NOS2: variants seen among roughly 807,000 people sequenced by gnomAD.
NOS2 encodes the protein nitric oxide synthase, inducible.
In NOS2, 96 loss-of-function variants were observed where a neutral mutation model predicts 136.0. The ratio of observed to expected loss-of-function variants is 0.71; its 90% CI spans 0.60 to 0.84. NOS2 has a LOEUF of 0.84. Among genes scored for constraint, NOS2 ranks in the 40% least tolerant of loss-of-function variants. The pLI, the probability that NOS2 is intolerant of heterozygous loss-of-function variation, is 0.00. For synonymous variants in NOS2, 539 were observed against 587.5 expected (o/e 0.92, Z 1.20); for missense variants, 1,237 against 1,496.9 (o/e 0.83, Z 2.87).
chr17:27,783,297 T>G (rs550792903), intron 5 of NOS2, among the ~76,000 whole-genome samples, 191 bp from the exon 6 acceptor site: 1 of 152,326 alleles, frequency 6.6e-6, no homozygotes, highest in South Asian at 2.1e-4. Context: ...CTCAATGCTC[T>G]GCTGTCCCCA....
At chr17:27,798,137 G>C (rs1909412044) in intron 2 of NOS2, among the ~76,000 whole-genome samples, 1 of 152,018 alleles carries the variant, frequency 6.6e-6, no homozygotes, top group Non-Finnish European at 1.5e-5. Flanking sequence ...AGCACACTAT[G>C]GTGAGGGCCC....
In NOS2 at chr17:27,774,394, T is replaced by G. The variant is rs761597619; in HGVS notation, c.1339A>C (p.Met447Leu). Residue 447 changes from methionine (M) to leucine (L), a missense_variant, in exon 12 of 27, where the codon ATG becomes CTG. By Grantham distance (15) the Met-to-Leu change is conservative. Transcript: ENST00000313735. ...HSAAESFMKY[M>L]QNEYRSRGGC... ...CCACGGGACCGGTATTCATTCTGCA[T>G]GTACTTCATGAAGGATTCTGCAGCC... The G allele has an allele frequency of 6.4e-6, 10 of 1,567,058 alleles. No individual in the cohort carries two copies. The highest frequency in any genetic ancestry group is 8.6e-6 in the Non-Finnish European group (10 of 1,156,546).
intron 2 of NOS2, among the ~76,000 whole-genome samples, chr17:27,794,985 C>CCA (rs1190516393): frequency 2.0e-5 from 3 of 152,238 alleles, no homozygotes; most frequent in Admixed American, 6.5e-5. Context: ...CCTCCTCCCC[C>CCA]CAACTCCTCC....
rs28998831 is a variant in NOS2, at chr17:27,789,455, T to TC, written c.195+148dup. The TC allele has an allele frequency of 2.1e-5, 14 of 653,238 alleles. No individual in the cohort carries two copies. In the African/African-American group the frequency reaches 2.2e-4, roughly 10 times the overall value. The allele number at this position is 653,238 out of a possible 1,614,324, so 40.5% of individuals were successfully genotyped here. The stretch of plus-strand genomic sequence containing the variant: ...AAAGCCCTTCCTCATTCCCACCTGT[T>TC]CCCCCCAACACCCCGGGTCTGGGAC... On this transcript the variant is annotated intron_variant, in intron 3 of 26. Coordinates refer to ENST00000313735, the MANE Select transcript of NOS2 (RefSeq NM_000625.4).
In NOS2 at chr17:27,769,632, A is replaced by G. The variant is rs201581896; in HGVS notation, c.1810-48T>C. ...AGTTCTCAAGCCAGGATGAATAAAA[A>G]CACTGTTTTTTCCTTTCTTCTGGAA... On this transcript the variant is annotated intron_variant, in intron 15 of 26. Transcript: ENST00000313735. The G allele has an allele frequency of 6.7e-5, 102 of 1,514,354 alleles. No individual in the cohort carries two copies. In the East Asian group the frequency reaches 2.3e-3, roughly 34 times the overall value. The allele number at this position is 1,514,354 out of a possible 1,614,324, so 93.8% of individuals were successfully genotyped here. A position where few individuals can be genotyped will look rare whatever the true frequency, so the allele number is the denominator to read the frequency against.
At chr17:27,788,716 G>T in intron 4 of NOS2, 93 bp downstream of exon 4, 1 of 1,472,372 alleles carries the variant, frequency 6.8e-7, no homozygotes, top group Non-Finnish European at 9.1e-7. Context: ...TGATTGTTTG[G>T]TTTGCCCAGG....
chr17:27,781,135 G>A lies in NOS2; in HGVS notation c.765C>T (p.His255=), dbSNP rs201952222. Residue 255 remains histidine (H), a synonymous_variant, in exon 8 of 27, where the codon CAC becomes CAT. Transcript: ENST00000313735. ...TVFPQRSDGK[H]DFRVWNAQLI... ...GCTGAGCATTCCACACCCGGAAGTC[G>A]TGCTTGCCATCACTCCGCTGGGGGA... 36 of 1,612,116 alleles carry A rather than the reference G, an allele frequency of 2.2e-5. No homozygotes were observed. The highest frequency in any genetic ancestry group is 3.3e-4 in the Middle Eastern group (2 of 6,062).
intron 11 of NOS2, among the ~76,000 whole-genome samples, chr17:27,776,131 G>A (rs1908649997): frequency 6.6e-6 from 1 of 152,304 alleles, no homozygotes; most frequent in East Asian, 1.9e-4. Context: ...CTGAGAGGAA[G>A]GGAGACTTGT....
chr17:27,798,714 G>T lies in NOS2; in HGVS notation c.96C>A (p.Pro32=). 1 of 1,611,798 alleles carries T rather than the reference G, an allele frequency of 6.2e-7. No individual in the cohort carries two copies. Among genetic ancestry groups the T allele is most frequent in the African/African-American group, 1.3e-5 (1 of 75,008 alleles). Residue 32 remains proline (P), a synonymous_variant, in exon 2 of 27, where the codon CCC becomes CCA. Coordinates refer to ENST00000313735, the MANE Select transcript of NOS2 (RefSeq NM_000625.4). ...GGAAAACTCACCTGGAGGTGGCACA[G>T]GGGGCTTTCTCCACATTGTTGTTGA... ...KDINNNVEKA[P]CATSSPVTQD... is the part of the protein sequence containing the mutation.
In NOS2 at chr17:27,770,355, G is replaced by A. The variant is rs28999414; in HGVS notation, c.1809+558C>T. On this transcript the variant is annotated intron_variant, in intron 15 of 26. Coordinates refer to ENST00000313735, the MANE Select transcript of NOS2 (RefSeq NM_000625.4). ...TACAAAATTGGCCAGGCATGGTGGCGCGTGCCTGTAATCGCAGCTACTCGG... is the reference window on the plus strand; with the variant it reads ...TACAAAATTGGCCAGGCATGGTGGCACGTGCCTGTAATCGCAGCTACTCGG... Among the ~76,000 whole-genome samples, 565 of 152,170 alleles carry A rather than the reference G, an allele frequency of 3.7e-3. 2 individuals carry two copies. Among genetic ancestry groups the A allele is most frequent in the Admixed American group, 0.01 (153 of 15,292 alleles).
intron 6 of NOS2, among the ~76,000 whole-genome samples, chr17:27,782,316 T>C (rs1328934423): frequency 5.3e-5 from 8 of 152,142 alleles, no homozygotes; most frequent in Non-Finnish European, 2.9e-5. Flanking sequence ...ACCGCTCCCA[T>C]TTCATGGCTG....
chr17:27,794,138 C>G (rs1909281225), intron 2 of NOS2, among the ~76,000 whole-genome samples: 1 of 152,196 alleles, frequency 6.6e-6, no homozygotes, highest in South Asian at 2.1e-4. Context: ...GAGGCATTAG[C>G]TGGGGCCAGA....
intron 5 of NOS2, among the ~76,000 whole-genome samples, chr17:27,786,557 A>G (rs553692190): frequency 6.6e-6 from 1 of 152,394 alleles, no homozygotes; most frequent in East Asian, 1.9e-4. Context: ...ACATAGCCAC[A>G]TATTTTATTT....
chr17:27,769,015 C>T lies in NOS2; in HGVS notation c.1996G>A (p.Glu666Lys). The change falls in exon 17 of 27, where the codon GAG becomes AAG. Residue 666 changes from glutamate to lysine, a missense_variant. Around this residue, in one of 3 missense-constraint regions of NOS2, gnomAD observed 782 missense variants for 909.9 expected, o/e 0.86. Coordinates refer to ENST00000313735, the MANE Select transcript of NOS2 (RefSeq NM_000625.4). ...ACGGCCCAGCTGCGGAAGGCGTCCTCCTGCCCACTGAGCTCATCCCCTTCT... is the reference window on the plus strand; with the variant it reads ...ACGGCCCAGCTGCGGAAGGCGTCCTTCTGCCCACTGAGCTCATCCCCTTCT... ...MGEGDELSGQ[E>K]DAFRSWAVQT... The T allele has an allele frequency of 1.2e-6, 2 of 1,612,046 alleles. No homozygotes were observed. Among genetic ancestry groups the T allele is most frequent in the Non-Finnish European group, 1.7e-6 (2 of 1,179,340 alleles).
intron 17 of NOS2, among the ~76,000 whole-genome samples, chr17:27,768,546 A>C (rs1427466888): frequency 2.0e-5 from 3 of 152,282 alleles, no homozygotes; most frequent in South Asian, 4.1e-4. Context: ...GAGTTCCCTA[A>C]ATGACTGGGG....
Position 27,760,033 on chromosome 17 carries a change from G to A in NOS2, c.3156C>T (p.Pro1052=), listed in dbSNP as rs1908063027. 1.3e-6 allele frequency: 2 copies of A among 1,526,300 alleles called. No homozygotes were observed. Among genetic ancestry groups the A allele is most frequent in the East Asian group, 4.9e-5 (2 of 40,962 alleles). The allele number at this position is 1,526,300 out of a possible 1,614,324, so 94.5% of individuals were successfully genotyped here. The part of the protein sequence containing the change: ...HTAYSRLPGK[P]KVYVQDILRQ... ...CCTGCTTTGAGGCTGCATTTACCTT[G>A]GGCTTGCCAGGCAGGCGGGAATAGG... Residue 1052 remains proline (P), a synonymous_variant, in exon 25 of 27, where the codon CCC becomes CCT. Transcript: ENST00000313735.
Position 27,766,503 on chromosome 17 carries a change from C to G in NOS2, c.2246+7G>C. On this transcript the variant is annotated splice_region_variant and intron_variant, in intron 19 of 26. Transcript: ENST00000313735. ...TATCACCCACGAAGCCCTGCACTTT[C>G]CCTTACCTGGATGTCGGACTTTGTA... 6.2e-7 allele frequency: 1 copy of G among 1,612,202 alleles called. No individual in the cohort carries two copies. The highest frequency in any genetic ancestry group is 8.5e-7 in the Non-Finnish European group (1 of 1,178,186).
At position 27,757,336 on chromosome 17, in the gene NOS2, G is replaced by C. The variant is rs1137949; in HGVS notation, c.3372C>G (p.His1124Gln). The C allele has an allele frequency of 6.8e-6, 11 of 1,613,906 alleles. No homozygotes were observed. The highest frequency in any genetic ancestry group is 2.2e-5 in the South Asian group (2 of 91,062). ...GAAATACAGCACCAAAGATATCTTC[G>C]TGATAGCGCTTCTGGCTCTTTTAGG... ...FFQLKSQKRY[H>Q]EDIFGAVFPY... Residue 1124 changes from histidine to glutamine, a missense_variant, in exon 27 of 27, where the codon CAC (histidine) becomes CAG (glutamine). Around this residue, in one of 3 missense-constraint regions of NOS2, gnomAD observed 782 missense variants for 909.9 expected, o/e 0.86. Coordinates refer to ENST00000313735, the MANE Select transcript of NOS2 (RefSeq NM_000625.4).
At chr17:27,759,143 T>C in intron 25 of NOS2, 68 bp from the exon 26 acceptor site, 2 of 1,237,250 alleles carry the variant, frequency 1.6e-6, no homozygotes, top group Non-Finnish European at 1.1e-6. Context: ...GCAGGCCTGC[T>C]GGCCTCAAGG....
Sources: allele counts gnomAD v4.1 joint callset (sites outside exome capture counted in the v4.1 genomes callset), GRCh38; gene constraint gnomAD v4.1.1; regional missense constraint gnomAD v4.1.1; transcripts MANE v1.5; gene names NCBI Gene and HGNC (gene_info 2026-07-23, HGNC 2026-07-21).